HTT: variants seen among roughly 807,000 people sequenced by gnomAD.
HTT encodes the protein huntington disease protein.
A neutral mutation model predicts 362.3 loss-of-function variants in HTT; 104 were observed. That is an observed-to-expected ratio of 0.29 (90% CI 0.24 to 0.34). The LOEUF (loss-of-function observed/expected upper bound fraction) is 0.34. Ranked by LOEUF, HTT falls within the 10% of genes least tolerant of loss-of-function variation. HTT has a pLI of 1.00. For synonymous variants in HTT, 1,577 were observed against 1,548.7 expected (o/e 1.02, Z -0.43); for missense variants, 3,301 against 3,928.6 (o/e 0.84, Z 4.27).
At chr4:3,144,041 G>A in intron 23 of HTT, among the ~76,000 whole-genome samples, 1 of 152,184 alleles carries the variant, frequency 6.6e-6, no homozygotes, top group East Asian at 1.9e-4. Flanking sequence ...ATATGGAGAT[G>A]TATAATCTGG....
Position 3,074,938 on chromosome 4 carries a change from AGCCGCCACC to A in HTT, c.120_128del (p.Pro47_Pro49del), listed in dbSNP as rs766382837. ...CAGCAGCAGCAGCAGCAGCAGCAAC[AGCCGCCACC>A]GCCGCCGCCGCCGCCGCCGCCTCCT... On this transcript the variant is annotated inframe_deletion, in exon 1 of 67. Coordinates refer to ENST00000355072, the MANE Select transcript of HTT (RefSeq NM_001388492.1). 1.8e-4 allele frequency: 223 copies of A among 1,272,194 alleles called. 3 individuals are homozygous for A. The South Asian group carries it at 2.2e-3, about 13-fold the overall frequency. The allele number at this position is 1,272,194 out of a possible 1,614,324, so 78.8% of individuals were successfully genotyped here.
intron 28 of HTT, among the ~76,000 whole-genome samples, chr4:3,160,042 G>T (rs1383355036): frequency 6.6e-6 from 1 of 152,194 alleles, no homozygotes; most frequent in Admixed American, 6.5e-5. Context: ...TTCCAGTAGC[G>T]CCAGTGTAAC....
intron 26 of HTT, among the ~76,000 whole-genome samples, chr4:3,151,054 CAAAA>C (rs763028911): frequency 3.0e-5 from 4 of 134,378 alleles, no homozygotes; most frequent in African/African-American, 1.1e-4. Context: ...CAAAACAAAA[CAAAA>C]AAAAAAAAAA....
At chr4:3,173,963 G>T (rs969031505) in intron 31 of HTT, among the ~76,000 whole-genome samples, 2 of 152,200 alleles carry the variant, frequency 1.3e-5, no homozygotes, top group South Asian at 2.1e-4. Flanking sequence ...GAGCCACCGC[G>T]CCCGGCCTCT....
chr4:3,077,808 A>T (rs191381787), intron 1 of HTT, among the ~76,000 whole-genome samples: 27 of 152,336 alleles, frequency 1.8e-4, no homozygotes, highest in African/African-American at 6.3e-4. Flanking sequence ...AATAAAATGC[A>T]TATTTGTCAT....
At chr4:3,149,294 C>CT (rs1029468563) in intron 26 of HTT, among the ~76,000 whole-genome samples, 2,847 of 130,844 alleles carry the variant, frequency 0.022, 84 homozygotes, top group African/African-American at 0.062. Context: ...AGTTCACATA[C>CT]TTTTTTTTTT....
chr4:3,215,109 G>A lies in HTT; in HGVS notation c.6953-1G>A, dbSNP rs1358534706. On this transcript the variant is annotated splice_acceptor_variant, in intron 50 of 66. Transcript: ENST00000355072. LOFTEE classifies it high-confidence loss of function. ...TTCTCTTTGTTCTGTTGTAATTTTA[G>A]TTGCAGTGCAGCCTGGAGAGCAGCT... 1.2e-6 allele frequency: 2 copies of A among 1,610,324 alleles called. No homozygotes were observed.
intron 2 of HTT, among the ~76,000 whole-genome samples, chr4:3,093,882 A>T (rs1201684918): frequency 5.3e-4 from 42 of 79,398 alleles, no homozygotes; most frequent in South Asian, 8.5e-4. Flanking sequence ...TTTTTTTAAG[A>T]TATCATTTAC....
At chr4:3,130,190 T>G (rs979145587) in intron 13 of HTT, 115 bp from the exon 14 acceptor site, 1 of 1,059,662 alleles carries the variant, frequency 9.4e-7, no homozygotes, top group African/African-American at 1.6e-5. Context: ...AATTGAGGAA[T>G]AATCATACTT....
intron 37 of HTT, among the ~76,000 whole-genome samples, chr4:3,184,266 C>T (rs952152379): frequency 6.6e-6 from 1 of 151,380 alleles, no homozygotes; most frequent in African/African-American, 2.4e-5. Flanking sequence ...AAGGCCCTGG[C>T]GGGGGGCGGA....
rs1296397960 is a variant in HTT at position 3,212,625 on chromosome 4, G to T, written c.6690G>T (p.Val2230=). 1 of 1,614,254 alleles carries T rather than the reference G, an allele frequency of 6.2e-7. No homozygotes were observed. The highest frequency in any genetic ancestry group is 1.1e-5 in the South Asian group (1 of 91,090). ...TLARALAQYL[V]VVSKLPSHLH... is the part of the protein sequence containing the mutation. ...CCCGGGCCCTGGCACAGTACCTGGT[G>T]GTGGTCTCCAAACTGCCCAGTCATT... is the stretch of plus-strand genomic sequence containing the variant. Residue 2230 remains valine (V), a synonymous_variant, in exon 49 of 67, where the codon GTG becomes GTT. Transcript: ENST00000355072.
chr4:3,186,690 C>T lies in HTT; in HGVS notation c.4960C>T (p.Arg1654Trp), dbSNP rs201149918. Residue 1654 changes from arginine (R) to tryptophan (W), a missense_variant, in exon 38 of 67, where the codon CGG becomes TGG. Transcript: ENST00000355072. ...CCTCCGTCCGGTAGACATGCTTTTA[C>T]GGAGTATGTTCGTCACTCCAAACAC... is the stretch of plus-strand genomic sequence containing the variant. ...SSLRPVDMLL[R>W]SMFVTPNTMA... The T allele has an allele frequency of 3.7e-4, 594 of 1,613,560 alleles. No homozygotes were observed. The highest frequency in any genetic ancestry group is 4.6e-4 in the Non-Finnish European group (537 of 1,179,616).
chr4:3,150,768 G>A (rs1336669035), intron 26 of HTT, among the ~76,000 whole-genome samples: 1 of 152,176 alleles, frequency 6.6e-6, no homozygotes, highest in African/African-American at 2.4e-5. Context: ...CGTGCGTGGT[G>A]GCTCACGCCT....
At chr4:3,134,336 C>T (rs999913281) in intron 18 of HTT, 65 bp from the exon 19 acceptor site, 64 of 1,457,540 alleles carry the variant, frequency 4.4e-5, no homozygotes, top group Middle Eastern at 2.3e-4. Flanking sequence ...GTTCTCAAAC[C>T]GTCAAGACGC....
intron 6 of HTT, among the ~76,000 whole-genome samples, chr4:3,109,557 G>C (rs1413287267): frequency 6.6e-6 from 1 of 151,940 alleles, no homozygotes; most frequent in East Asian, 1.9e-4. Context: ...TGCTTCTACT[G>C]CTATTTTTTT....
intron 52 of HTT, among the ~76,000 whole-genome samples, chr4:3,219,106 C>T (rs1720559156): frequency 1.3e-5 from 2 of 152,202 alleles, no homozygotes; most frequent in South Asian, 4.1e-4. Flanking sequence ...GTGCTGGAAG[C>T]AGTTGCAGAA....
At chr4:3,151,274 C>A (rs902594596) in intron 26 of HTT, among the ~76,000 whole-genome samples, 8 of 152,052 alleles carry the variant, frequency 5.3e-5, no homozygotes, top group African/African-American at 4.8e-5. Flanking sequence ...GGGAAGGCCT[C>A]AGGAAACTTG....
intron 21 of HTT, among the ~76,000 whole-genome samples, chr4:3,137,195 G>A (rs983738459): frequency 5.9e-5 from 9 of 152,010 alleles, no homozygotes; most frequent in African/African-American, 2.2e-4. Flanking sequence ...CGTGAGCCAT[G>A]GCGCCTGGCC....
At chr4:3,136,793 G>A (rs6829069) in intron 21 of HTT, among the ~76,000 whole-genome samples, 21,002 of 151,946 alleles carry the variant, frequency 0.14, 2,540 homozygotes, top group African/African-American at 0.33. Flanking sequence ...TCGTTGTTTT[G>A]CTATGCGGTT....
Sources: allele counts gnomAD v4.1 joint callset (sites outside exome capture counted in the v4.1 genomes callset), GRCh38; gene constraint gnomAD v4.1.1; transcripts MANE v1.5; gene names NCBI Gene and HGNC (gene_info 2026-07-23, HGNC 2026-07-21).